The following ESRRG variants were observed in gnomAD, a reference collection of about 807,000 sequenced individuals.
ESRRG encodes the protein estrogen-related receptor gamma.
Under a neutral mutation model 44.0 loss-of-function variants are expected in ESRRG, and 13 were observed. That is an observed-to-expected ratio of 0.30 (90% CI 0.19 to 0.47). The LOEUF (loss-of-function observed/expected upper bound fraction) is 0.47. ESRRG is among the 20% of genes least tolerant of loss of function. The pLI is 1.00. For missense variants in ESRRG, 395 were observed against 580.6 expected, an observed-to-expected ratio of 0.68 and a Z score of 3.29; for synonymous variants, 215 against 214.6, an observed-to-expected ratio of 1.00 and a Z score of -0.02.
In ESRRG at chr1:216,505,273, AC is replaced by A. The variant is rs1252318419; in HGVS notation, c.*1665del. On this transcript the variant is annotated 3_prime_UTR_variant, in exon 7 of 7. Coordinates refer to ENST00000408911, the MANE Select transcript of ESRRG (RefSeq NM_001438.4). ...CTAATTGATTTCTTCATTAGATTACACCTCTTAACAGTCTGGAACCTGACTT... is the reference window on the plus strand; with the variant it reads ...CTAATTGATTTCTTCATTAGATTACACTCTTAACAGTCTGGAACCTGACTT... The A allele has an allele frequency of 6.6e-6, 1 of 152,540 alleles. No homozygotes were observed. The highest frequency in any genetic ancestry group is 1.5e-5 in the Non-Finnish European group (1 of 68,012). 9.4% of individuals were successfully genotyped at this position (152,540 alleles called of 1,614,324 possible).
At chr1:216,945,433 AGT>A (rs1216495110) in intron 1 of ESRRG, among the ~76,000 whole-genome samples, 2 of 152,180 alleles carry the variant, frequency 1.3e-5, no homozygotes, top group Non-Finnish European at 2.9e-5. Flanking sequence ...AGAATTTATT[AGT>A]GTGCTTGAAG....
intron 1 of ESRRG, among the ~76,000 whole-genome samples, chr1:217,060,608 T>G (rs2088171186): frequency 6.6e-6 from 1 of 152,062 alleles, no homozygotes; most frequent in Non-Finnish European, 1.5e-5. Context: ...TTCAGCCACC[T>G]TAACCCTGTT....
chr1:216,673,286 A>G (rs572508778), intron 2 of ESRRG, among the ~76,000 whole-genome samples: 7 of 152,210 alleles, frequency 4.6e-5, no homozygotes, highest in Non-Finnish European at 1.0e-4. Flanking sequence ...TCTTCCTTAC[A>G]ATTACTGCTC....
intron 4 of ESRRG, among the ~76,000 whole-genome samples, chr1:216,566,167 C>T (rs1314777040): frequency 6.6e-6 from 1 of 152,050 alleles, no homozygotes; most frequent in Non-Finnish European, 1.5e-5. Context: ...TCAATAGAAC[C>T]CAATTTTCAT....
intron 5 of ESRRG, among the ~76,000 whole-genome samples, chr1:216,545,627 ATTGT>A (rs930044518): frequency 3.3e-5 from 5 of 152,178 alleles, no homozygotes; most frequent in South Asian, 4.1e-4. Context: ...ATAATAAGAA[ATTGT>A]TTGATGAATA....
intron 5 of ESRRG, among the ~76,000 whole-genome samples, chr1:216,523,469 C>A (rs1421124339): frequency 2.1e-4 from 31 of 150,078 alleles, no homozygotes; most frequent in Admixed American, 2.0e-3. Flanking sequence ...ACAGTGGTGC[C>A]ATGGGCACTC....
intron 1 of ESRRG, among the ~76,000 whole-genome samples, chr1:217,124,583 C>A (rs1308117156): frequency 1.3e-5 from 2 of 152,116 alleles, no homozygotes; most frequent in Non-Finnish European, 2.9e-5. Flanking sequence ...ATGTCAACAA[C>A]CAAACTATTT....
At chr1:216,528,948 A>G (rs952874826) in intron 5 of ESRRG, among the ~76,000 whole-genome samples, 1 of 152,130 alleles carries the variant, frequency 6.6e-6, no homozygotes, top group South Asian at 2.1e-4. Flanking sequence ...GGCCCTTCCT[A>G]TGATAAAGCA....
At chr1:216,715,100 G>C (rs2084547502) in intron 1 of ESRRG, 2 of 985,440 alleles carry the variant, frequency 2.0e-6, no homozygotes, top group Non-Finnish European at 2.4e-6. Context: ...ATGCTGTCTA[G>C]ACTCCAAGAA....
At chr1:216,942,061 C>T (rs1402173967) in intron 1 of ESRRG, among the ~76,000 whole-genome samples, 1 of 151,430 alleles carries the variant, frequency 6.6e-6, no homozygotes, top group Non-Finnish European at 1.5e-5. Context: ...ACCCTTGATC[C>T]CCTCCCTCCC....
chr1:217,104,799 A>AT (rs1303452517), intron 1 of ESRRG, among the ~76,000 whole-genome samples: 1 of 152,152 alleles, frequency 6.6e-6, no homozygotes, highest in Non-Finnish European at 1.5e-5. Flanking sequence ...TTCATAATAG[A>AT]TTTTGTATCC....
chr1:216,881,448 C>T (rs143022167), intron 2 of ESRRG, among the ~76,000 whole-genome samples: 14 of 152,230 alleles, frequency 9.2e-5, no homozygotes, highest in African/African-American at 2.6e-4. Context: ...TTCCTCTGGT[C>T]CTCTTCTAAT....
chr1:216,989,754 C>T (rs2075403868), intron 1 of ESRRG, among the ~76,000 whole-genome samples: 1 of 152,118 alleles, frequency 6.6e-6, no homozygotes, highest in African/African-American at 2.4e-5. Flanking sequence ...GGCAATATGA[C>T]TTGGTTTCCA....
intron 5 of ESRRG, among the ~76,000 whole-genome samples, chr1:216,538,569 C>T (rs548573926): frequency 3.3e-5 from 5 of 152,142 alleles, no homozygotes; most frequent in South Asian, 2.1e-4. Context: ...TCCAGGGAAA[C>T]GCAGGATAAG....
At chr1:216,784,318 A>G (rs2094044165) in intron 2 of ESRRG, among the ~76,000 whole-genome samples, 1 of 152,070 alleles carries the variant, frequency 6.6e-6, no homozygotes, top group Admixed American at 6.6e-5. Flanking sequence ...TTAGATAAGA[A>G]TACTTTTGCT....
chr1:216,699,188 G>A (rs927608665), intron 1 of ESRRG, among the ~76,000 whole-genome samples: 6 of 152,184 alleles, frequency 3.9e-5, no homozygotes, highest in African/African-American at 9.7e-5. Flanking sequence ...TGTGTGATTG[G>A]TTGATTGTAC....
chr1:216,971,259 G>T (rs1473894653), intron 1 of ESRRG, among the ~76,000 whole-genome samples: 1 of 152,236 alleles, frequency 6.6e-6, no homozygotes, highest in Non-Finnish European at 1.5e-5. Flanking sequence ...ATCAAAGTGA[G>T]ATCTATAAGA....
chr1:217,121,431 A>G (rs1369713280), intron 1 of ESRRG, among the ~76,000 whole-genome samples: 1 of 152,188 alleles, frequency 6.6e-6, no homozygotes, highest in African/African-American at 2.4e-5. Context: ...CTCTCCTGGT[A>G]GTGTGAAGGA....
At chr1:216,820,529 A>G (rs541848680) in intron 2 of ESRRG, among the ~76,000 whole-genome samples, 1 of 152,204 alleles carries the variant, frequency 6.6e-6, no homozygotes, top group South Asian at 2.1e-4. Context: ...TTCAGTTCAA[A>G]TTCCCATGCC....
Sources: allele counts gnomAD v4.1 joint callset (sites outside exome capture counted in the v4.1 genomes callset), GRCh38; gene constraint gnomAD v4.1.1; transcripts MANE v1.5; gene names NCBI Gene and HGNC (gene_info 2026-07-23, HGNC 2026-07-21).